Variants in IPPK observed in about 807,000 individuals in gnomAD.
IPPK encodes inositol-pentakisphosphate 2-kinase, also known as IPK1 homolog.
In IPPK, 22 loss-of-function variants were observed where a neutral mutation model predicts 64.6. That is an observed-to-expected ratio of 0.34 (90% CI 0.24 to 0.49). The LOEUF (loss-of-function observed/expected upper bound fraction) is 0.49. Among genes scored for constraint, IPPK ranks in the 20% least tolerant of loss-of-function variants. IPPK has a pLI of 0.99. For synonymous variants in IPPK, 262 were observed against 247.2 expected, an observed-to-expected ratio of 1.06 and a Z score of -0.56; for missense variants, 532 against 630.7, an observed-to-expected ratio of 0.84 and a Z score of 1.68.
At chr9:92,652,038 GC>G (rs1393792857) in intron 4 of IPPK, among the ~76,000 whole-genome samples, 4 of 152,098 alleles carry the variant, frequency 2.6e-5, no homozygotes, top group Admixed American at 1.3e-4. Flanking sequence ...CACCGCACCT[GC>G]CTTTACTGGT....
chr9:92,623,428 C>T (rs1328553012), intron 11 of IPPK, among the ~76,000 whole-genome samples: 4 of 145,886 alleles, frequency 2.7e-5, no homozygotes, highest in Non-Finnish European at 3.0e-5. Flanking sequence ...AGCGAGACTC[C>T]GTCTCAAAAA....
At chr9:92,660,199 C>T (rs1852453934) in intron 1 of IPPK, among the ~76,000 whole-genome samples, 2 of 152,128 alleles carry the variant, frequency 1.3e-5, no homozygotes, top group African/African-American at 2.4e-5. Flanking sequence ...GTGCCTGACC[C>T]GCCCTCCAAC....
In IPPK at chr9:92,616,349, G is replaced by A. The variant is rs993843363; in HGVS notation, c.1251-292C>T. 6 of 323,504 alleles carry A rather than the reference G, an allele frequency of 1.9e-5. No individual in the cohort carries two copies. In the Admixed American group the frequency reaches 2.7e-4, roughly 15 times the overall value. The allele number at this position is 323,504 out of a possible 1,614,324, so 20.0% of individuals were successfully genotyped here. A position where few individuals can be genotyped will look rare whatever the true frequency, so the allele number is the denominator to read the frequency against. The stretch of plus-strand genomic sequence containing the variant: ...AGGCCAGTGCACCCCACCATACCAG[G>A]CGAGAGAGGGTTAAAGGACTGAAAG... On this transcript the variant is annotated intron_variant, in intron 12 of 12. Transcript: ENST00000287996.
intron 3 of IPPK, among the ~76,000 whole-genome samples, 156 bp from the exon 4 acceptor site, chr9:92,652,795 T>C (rs574640581): frequency 5.5e-4 from 83 of 152,154 alleles, no homozygotes; most frequent in East Asian, 1.5e-3. Flanking sequence ...AAAAAATCAG[T>C]GTGTGGATTT....
chr9:92,616,096 C>G lies in IPPK; in HGVS notation c.1251-39G>C, dbSNP rs146353884. The G allele has an allele frequency of 1.5e-3, 2,171 of 1,418,014 alleles. 31 individuals carry two copies. The African/African-American group carries it at 0.026, about 17-fold the overall frequency. The allele number at this position is 1,418,014 out of a possible 1,614,324, so 87.8% of individuals were successfully genotyped here. On this transcript the variant is annotated intron_variant, in intron 12 of 12. Coordinates refer to ENST00000287996, the MANE Select transcript of IPPK (RefSeq NM_022755.6). ...GTACCATTTCAGGATACACAAGCCC[C>G]CCATTCATTTCCCTCCCTCCCGTTC...
chr9:92,655,238 C>CGTGGCCCTGT (rs1337629343), intron 3 of IPPK, among the ~76,000 whole-genome samples: 2 of 152,312 alleles, frequency 1.3e-5, no homozygotes, highest in Admixed American at 1.3e-4. Flanking sequence ...TCTTCCCTCA[C>CGTGGCCCTGT]GTGGCCCTGT....
In IPPK at chr9:92,614,605, AC is replaced by A. The variant is rs1364575522; in HGVS notation, c.*1226del. On this transcript the variant is annotated 3_prime_UTR_variant, in exon 13 of 13. Coordinates refer to ENST00000287996, the MANE Select transcript of IPPK (RefSeq NM_022755.6). ...TTCTCAAGTTATCACAAAATTTCCCACAAAAATTTACAATCAGCAAAATAGT... is the reference window on the plus strand; with the variant it reads ...TTCTCAAGTTATCACAAAATTTCCCAAAAAATTTACAATCAGCAAAATAGT... The A allele has an allele frequency of 1.3e-5, 2 of 152,608 alleles. No homozygotes were observed. Among genetic ancestry groups the A allele is most frequent in the Admixed American group, 6.5e-5 (1 of 15,278 alleles). The allele number at this position is 152,608 out of a possible 1,614,324, so 9.5% of individuals were successfully genotyped here. A position where few individuals can be genotyped will look rare whatever the true frequency, so the allele number is the denominator to read the frequency against.
intron 1 of IPPK, among the ~76,000 whole-genome samples, chr9:92,663,054 T>C (rs1050573266): frequency 1.3e-5 from 2 of 152,110 alleles, no homozygotes; most frequent in Non-Finnish European, 2.9e-5. Flanking sequence ...AAGACATGCA[T>C]GAGGATTTTC....
intron 8 of IPPK, among the ~76,000 whole-genome samples, chr9:92,639,869 C>G (rs770690103): frequency 4.6e-5 from 7 of 151,762 alleles, no homozygotes; most frequent in Non-Finnish European, 1.0e-4. Context: ...TAACCAAGAC[C>G]TGGGGAGGCA....
chr9:92,663,664 G>A (rs1018413052), intron 1 of IPPK, among the ~76,000 whole-genome samples: 3 of 152,238 alleles, frequency 2.0e-5, no homozygotes, highest in African/African-American at 7.2e-5. Flanking sequence ...TGGGAAGCCT[G>A]AGGGGGCACC....
At position 92,615,673 on chromosome 9, in the gene IPPK, A is replaced by G; in HGVS notation, c.*159T>C. On this transcript the variant is annotated 3_prime_UTR_variant, in exon 13 of 13. Coordinates refer to ENST00000287996, the MANE Select transcript of IPPK (RefSeq NM_022755.6). ...ATTCCTTGTCCAGGAAGTTGTTTCT[A>G]GTGCTCTTCAATTCCATGTCTCCAA... 1 of 600,476 alleles carries G rather than the reference A, an allele frequency of 1.7e-6. No homozygotes were observed. Among genetic ancestry groups the G allele is most frequent in the Non-Finnish European group, 3.0e-6 (1 of 337,762 alleles). 37.2% of individuals were successfully genotyped at this position (600,476 alleles called of 1,614,324 possible). A position where few individuals can be genotyped will look rare whatever the true frequency, so the allele number is the denominator to read the frequency against.
chr9:92,626,384 G>A (rs1170257588), intron 11 of IPPK, among the ~76,000 whole-genome samples: 6 of 152,104 alleles, frequency 3.9e-5, no homozygotes, highest in African/African-American at 4.8e-5. Flanking sequence ...GTGACAGAGC[G>A]AGACTCCATC....
intron 1 of IPPK, among the ~76,000 whole-genome samples, chr9:92,666,074 C>T (rs1456067932): frequency 6.6e-6 from 1 of 152,208 alleles, no homozygotes; most frequent in East Asian, 1.9e-4. Context: ...TTTGTCCACA[C>T]ATGTGATCAA....
chr9:92,648,016 AGCGTGCAGCTAGAGTAGCCCACAG>A lies in IPPK; in HGVS notation c.504+19_504+42del, dbSNP rs764979716. ...TGTCCATGCCTCAGCCCAGATCCCC[AGCGTGCAGCTAGAGTAGCCCACAG>A]CTGGGCATTGGCTCTCACCTTGAGG... is the stretch of plus-strand genomic sequence containing the variant. On this transcript the variant is annotated intron_variant, in intron 6 of 12. Transcript: ENST00000287996. 1 of 1,394,488 alleles carries A rather than the reference AGCGTGCAGCTAGAGTAGCCCACAG, an allele frequency of 7.2e-7. No homozygotes were observed. The highest frequency in any genetic ancestry group is 2.3e-5 in the East Asian group (1 of 43,558). 86.4% of individuals were successfully genotyped at this position (1,394,488 alleles called of 1,614,324 possible).
At chr9:92,620,580 C>T (rs1011322911) in intron 11 of IPPK, 4 of 152,238 alleles carry the variant, frequency 2.6e-5, no homozygotes, top group Non-Finnish European at 5.9e-5. Flanking sequence ...TGATGACAGA[C>T]CATCATCTCC....
intron 4 of IPPK, among the ~76,000 whole-genome samples, chr9:92,650,042 A>G (rs1564037283): frequency 2.1e-5 from 3 of 140,072 alleles, no homozygotes; most frequent in African/African-American, 8.0e-5. Context: ...AAAAAAAAAA[A>G]GGCGGGCACG....
rs140841790 is a variant in IPPK at position 92,638,259 on chromosome 9, A to C, written c.658T>G (p.Cys220Gly). 6.4e-4 allele frequency: 1,036 copies of C among 1,613,966 alleles called. 8 individuals are homozygous for C. Among genetic ancestry groups the C allele is most frequent in the Non-Finnish European group, 1.6e-4 (183 of 1,179,850 alleles). ...GCCACGGGGCTCCGGGCATCTTTGC[A>C]GCCGTAAATCAGCTCACCATTCTTC... ...IFKNGELIYG[C>G]KDARSPVADW... The change falls in exon 9 of 13, where the codon TGC (cysteine) becomes GGC (glycine). Residue 220 changes from cysteine (C) to glycine (G), a missense_variant. Physicochemically the swap from Cys to Gly is radical, Grantham distance 159. Coordinates refer to ENST00000287996, the MANE Select transcript of IPPK (RefSeq NM_022755.6).
intron 12 of IPPK, chr9:92,618,645 C>A (rs1387175893): frequency 2.3e-6 from 1 of 442,528 alleles, no homozygotes; most frequent in Admixed American, 2.4e-5. Context: ...TAGGGGATAA[C>A]AGGAGTTTTC....
rs2131415414 is a variant in IPPK at position 92,619,474 on chromosome 9, T to TG, written c.1250+11dup. Reference sequence around the variant, plus strand: ...TAGACCCAGGCTGCATGCCTTGCAGTGGGGGCCTCACCTGGCATCCTGCAG... The same window carrying TG: ...TAGACCCAGGCTGCATGCCTTGCAGTGGGGGGCCTCACCTGGCATCCTGCAG... On this transcript the variant is annotated intron_variant, in intron 12 of 12. Transcript: ENST00000287996. The TG allele has an allele frequency of 6.3e-7, 1 of 1,576,034 alleles. No homozygotes were observed. Among genetic ancestry groups the TG allele is most frequent in the East Asian group, 2.3e-5 (1 of 43,718 alleles).
Sources: gnomAD v4.1 joint callset for allele counts (sites outside exome capture counted in the v4.1 genomes callset) on GRCh38, gnomAD v4.1.1 for gene constraint, MANE v1.5 for transcripts, NCBI Gene and HGNC (gene_info 2026-07-23, HGNC 2026-07-21) for gene names.